Variants in NAV3 observed in about 807,000 individuals in gnomAD.
NAV3 encodes the protein neuron navigator 3, also known as pore membrane and/or filament interacting like protein 1.
NAV3 carries 87 observed loss-of-function variants against 244.7 expected under a neutral mutation model. The ratio of observed to expected loss-of-function variants is 0.36; its 90% CI spans 0.30 to 0.42. The LOEUF is 0.42. NAV3 is among the 20% of genes least tolerant of loss of function. The pLI, the probability that NAV3 is intolerant of heterozygous loss-of-function variation, is 1.00. For synonymous variants in NAV3, 1,126 were observed against 1,042.2 expected (o/e 1.08, Z -1.55); for missense variants, 2,663 against 2,893.3 (o/e 0.92, Z 1.83).
rs753278539 is a variant in NAV3, at chr12:78,116,919, C to G, written c.2769+15C>G. The G allele has an allele frequency of 6.2e-7, 1 of 1,609,008 alleles. No homozygotes were observed. The highest frequency in any genetic ancestry group is 8.5e-7 in the Non-Finnish European group (1 of 1,176,780). ...AGAATACTCAGGTGAGAATTACCAC[C>G]TTTCTTTTTCCAGTGTTTCTGCCAG... On this transcript the variant is annotated intron_variant, in intron 13 of 39. Coordinates refer to ENST00000397909, the MANE Select transcript of NAV3 (RefSeq NM_001024383.2).
chr12:77,649,073 A>G (rs1256975027), intron 2 of NAV3, among the ~76,000 whole-genome samples: 1 of 152,148 alleles, frequency 6.6e-6, no homozygotes, highest in East Asian at 1.9e-4. Flanking sequence ...GTTATAATAT[A>G]GTTGGAATAT....
rs181458388 is a variant in NAV3 at position 77,614,203 on chromosome 12, C to T, written c.72+41937C>T. Among the ~76,000 whole-genome samples the T allele has an allele frequency of 2.6e-5, 4 of 150,982 alleles. No homozygotes were observed. The Admixed American group carries it at 2.7e-4, about 10-fold the overall frequency. ...TAGCAGCATCTCTGGCCACTACCCA[C>T]CAGATGTTAGTAGCACAACCCTCCC... On this transcript the variant is annotated intron_variant, in intron 2 of 8. Transcript: ENST00000550042.
intron 2 of NAV3, among the ~76,000 whole-genome samples, chr12:77,792,291 A>G (rs931734902): frequency 6.6e-6 from 1 of 152,184 alleles, no homozygotes; most frequent in Admixed American, 6.5e-5. Flanking sequence ...TTTATAAGTC[A>G]TTTTATTTTC....
At chr12:78,167,336 A>G (rs1448614386) in intron 23 of NAV3, among the ~76,000 whole-genome samples, 1 of 151,604 alleles carries the variant, frequency 6.6e-6, no homozygotes, top group African/African-American at 2.4e-5. Flanking sequence ...GTTACTGTTG[A>G]TTTTTCATTA....
chr12:77,780,670 C>G (rs1295288452), intron 2 of NAV3, among the ~76,000 whole-genome samples: 1 of 152,118 alleles, frequency 6.6e-6, no homozygotes, highest in African/African-American at 2.4e-5. Flanking sequence ...TGATAGGGGC[C>G]TTATCTTTCC....
At chr12:77,731,838 T>C (rs1041804677) in intron 2 of NAV3, among the ~76,000 whole-genome samples, 1 of 151,912 alleles carries the variant, frequency 6.6e-6, no homozygotes, top group African/African-American at 2.4e-5. Context: ...AGTGGTTAGG[T>C]GCTGAAGAAG....
In NAV3 at chr12:77,997,217, G is replaced by A. The variant is rs551874321; in HGVS notation, c.741-1120G>A. ...TGTGCCACTGCACTCTAGCCTGGGC[G>A]ACAGAGTGACACCCTGTCTCAAAAA... On this transcript the variant is annotated intron_variant, in intron 6 of 39. Transcript: ENST00000397909. 1.4e-4 allele frequency among the ~76,000 whole-genome samples: 18 copies of A among 132,802 alleles called. No individual in the cohort carries two copies. The East Asian group carries it at 3.0e-3, about 22-fold the overall frequency. The allele number at this position is 132,802 out of a possible 152,430, so 87.1% of individuals were successfully genotyped here.
intron 2 of NAV3, among the ~76,000 whole-genome samples, chr12:77,749,310 T>C (rs958125854): frequency 5.9e-5 from 9 of 152,250 alleles, no homozygotes; most frequent in Admixed American, 4.6e-4. Context: ...TACGTTGAGA[T>C]ATTCAGGGAT....
chr12:77,668,040 A>T (rs901718892), intron 2 of NAV3, among the ~76,000 whole-genome samples: 4 of 152,166 alleles, frequency 2.6e-5, no homozygotes, highest in African/African-American at 4.8e-5. Flanking sequence ...GAGAGCAAAA[A>T]CAGTTGCTGC....
intron 2 of NAV3, among the ~76,000 whole-genome samples, chr12:77,688,335 T>C (rs1180182872): frequency 6.6e-6 from 1 of 152,044 alleles, no homozygotes. Flanking sequence ...TTAGACATGC[T>C]TACTATATGT....
intron 1 of NAV3, among the ~76,000 whole-genome samples, chr12:77,842,740 C>T (rs932448696): frequency 6.6e-6 from 1 of 152,004 alleles, no homozygotes; most frequent in African/African-American, 2.4e-5. Flanking sequence ...GCTCATATTA[C>T]AATCCTTTCA....
At chr12:78,180,839 A>G in intron 29 of NAV3, 32 bp from the exon 30 acceptor site, 1 of 1,574,066 alleles carries the variant, frequency 6.4e-7, no homozygotes, top group East Asian at 2.3e-5. Flanking sequence ...AAACCAACTC[A>G]GTTTTTTTCA....
intron 2 of NAV3, among the ~76,000 whole-genome samples, chr12:77,598,302 C>T (rs1287832436): frequency 6.6e-6 from 1 of 151,956 alleles, no homozygotes; most frequent in Non-Finnish European, 1.5e-5. Flanking sequence ...GGATGTATCC[C>T]AATCTATTGA....
intron 2 of NAV3, among the ~76,000 whole-genome samples, chr12:77,629,725 G>A (rs1225137066): frequency 6.6e-6 from 1 of 152,078 alleles, no homozygotes; most frequent in Non-Finnish European, 1.5e-5. Flanking sequence ...TTAAATATAT[G>A]CCATGTAAAC....
intron 7 of NAV3, among the ~76,000 whole-genome samples, chr12:77,999,477 T>C (rs1451350541): frequency 1.3e-5 from 2 of 152,210 alleles, no homozygotes; most frequent in Non-Finnish European, 2.9e-5. Context: ...GGCAAATGAT[T>C]AGACAACTTC....
At chr12:77,762,708 A>G (rs1243661631) in intron 2 of NAV3, among the ~76,000 whole-genome samples, 1 of 144,834 alleles carries the variant, frequency 6.9e-6, no homozygotes, top group East Asian at 2.1e-4. Flanking sequence ...ATTTCCACCC[A>G]GGCTTCATGG....
At chr12:77,986,959 T>C (rs542757720) in intron 5 of NAV3, among the ~76,000 whole-genome samples, 1 of 152,296 alleles carries the variant, frequency 6.6e-6, no homozygotes, top group Non-Finnish European at 1.5e-5. Flanking sequence ...TTATTAGCCC[T>C]GAATAAAACA....
intron 1 of NAV3, among the ~76,000 whole-genome samples, chr12:77,855,976 T>C (rs1258202519): frequency 6.6e-6 from 1 of 152,214 alleles, no homozygotes; most frequent in Non-Finnish European, 1.5e-5. Context: ...CTGATACAGA[T>C]TCGTACTGCA....
At chr12:77,702,694 C>T (rs1181400369) in intron 2 of NAV3, among the ~76,000 whole-genome samples, 1 of 151,920 alleles carries the variant, frequency 6.6e-6, no homozygotes, top group African/African-American at 2.4e-5. Context: ...AAGTATTTTT[C>T]TACTTACCCC....
Sources: allele counts gnomAD v4.1 joint callset (sites outside exome capture counted in the v4.1 genomes callset), GRCh38; gene constraint gnomAD v4.1.1; transcripts MANE v1.5; gene names NCBI Gene and HGNC (gene_info 2026-07-23, HGNC 2026-07-21).